TMEM232: variants seen among roughly 807,000 people sequenced by gnomAD.
TMEM232 encodes the protein transmembrane protein 232.
A neutral mutation model predicts 78.8 loss-of-function variants in TMEM232; 80 were observed. The observed-to-expected ratio is 1.01, with a 90% CI of 0.85 to 1.22. TMEM232 has a LOEUF of 1.22. Ranked by LOEUF, TMEM232 falls within the 50% of genes most tolerant of loss-of-function variation. The probability of loss-of-function intolerance (pLI) is 0.00; values close to 1 mark genes in which losing one functional copy is unlikely to be tolerated. For synonymous variants in TMEM232, 297 were observed against 254.3 expected (o/e 1.17, Z -1.60); for missense variants, 881 against 742.2 (o/e 1.19, Z -2.17).
chr5:110,564,912 A>G (rs752355324), intron 11 of TMEM232, among the ~76,000 whole-genome samples: 26 of 151,928 alleles, frequency 1.7e-4, no homozygotes, highest in Non-Finnish European at 3.7e-4. Context: ...GGTCTACTCC[A>G]TCAATGTTGT....
intron 1 of TMEM232, among the ~76,000 whole-genome samples, chr5:110,711,680 G>T (rs1402183680): frequency 6.6e-6 from 1 of 152,096 alleles, no homozygotes; most frequent in African/African-American, 2.4e-5. Flanking sequence ...AATATACACT[G>T]GGTAAAAGAC....
intron 11 of TMEM232, among the ~76,000 whole-genome samples, chr5:110,532,812 C>T (rs555607857): frequency 6.6e-6 from 1 of 152,212 alleles, no homozygotes; most frequent in Admixed American, 6.5e-5. Flanking sequence ...ATCACCCTTA[C>T]CCCGCTCAAT....
intron 4 of TMEM232, among the ~76,000 whole-genome samples, chr5:110,639,922 C>G (rs1014732129): frequency 6.6e-6 from 1 of 152,198 alleles, no homozygotes; most frequent in African/African-American, 2.4e-5. Context: ...CCTGGCTGCT[C>G]ACAGCCTGTT....
At chr5:110,545,151 G>A (rs1773622738) in intron 11 of TMEM232, among the ~76,000 whole-genome samples, 1 of 152,002 alleles carries the variant, frequency 6.6e-6, no homozygotes, top group Non-Finnish European at 1.5e-5. Context: ...TTAGTTCCTT[G>A]TTTATATTTA....
rs149561734 is a variant in TMEM232, at chr5:110,396,031, G to A, written n.390+1742C>T. Among the ~76,000 whole-genome samples the A allele has an allele frequency of 4.7e-3, 721 of 152,270 alleles. 7 individuals carry two copies. The highest frequency in any genetic ancestry group is 5.4e-3 in the Non-Finnish European group (370 of 68,008). ...TCATAGTGCTATAAAGAATACCTGA[G>A]ACTGGGTAATTTATAAAGAAAAAAG... is the stretch of plus-strand genomic sequence containing the variant. On this transcript the variant is annotated intron_variant and non_coding_transcript_variant, in intron 3 of 8. Coordinates refer to the TMEM232 transcript ENST00000507188.
At chr5:110,390,887 C>G (rs1327710279) in intron 3 of TMEM232, among the ~76,000 whole-genome samples, 2 of 152,210 alleles carry the variant, frequency 1.3e-5, no homozygotes, top group African/African-American at 4.8e-5. Context: ...TGGGAAGATT[C>G]ATCTATCATT....
chr5:110,686,615 C>T (rs1019168918), intron 1 of TMEM232, among the ~76,000 whole-genome samples: 11 of 151,916 alleles, frequency 7.2e-5, no homozygotes, highest in Admixed American at 2.6e-4. Context: ...AACCAGAACC[C>T]TTATTGAGTT....
At chr5:110,496,821 G>A (rs1765695322) in intron 12 of TMEM232, among the ~76,000 whole-genome samples, 1 of 151,944 alleles carries the variant, frequency 6.6e-6, no homozygotes, top group African/African-American at 2.4e-5. Flanking sequence ...TTATCTGTTT[G>A]ATCCTAAAGA....
Position 110,681,532 on chromosome 5 carries a change from T to C in TMEM232, c.-12-14168A>G, listed in dbSNP as rs183480614. 1.8e-4 allele frequency among the ~76,000 whole-genome samples: 28 copies of C among 152,344 alleles called. No individual in the cohort carries two copies. In the East Asian group the frequency reaches 5.0e-3, roughly 27 times the overall value. Reference sequence around the variant, plus strand: ...CATATTGTAGGGTGTCAGTGAATGATAGCCATTTAATAGTTGAATGCGTGA... The same window carrying C: ...CATATTGTAGGGTGTCAGTGAATGACAGCCATTTAATAGTTGAATGCGTGA... On this transcript the variant is annotated intron_variant, in intron 1 of 13. Coordinates refer to ENST00000455884, the MANE Select transcript of TMEM232 (RefSeq NM_001039763.4).
chr5:110,486,797 G>A (rs1360994798), intron 12 of TMEM232, among the ~76,000 whole-genome samples: 1 of 151,936 alleles, frequency 6.6e-6, no homozygotes, highest in African/African-American at 2.4e-5. Context: ...TGGCTATGCA[G>A]GCTCTTTTTT....
intron 1 of TMEM232, among the ~76,000 whole-genome samples, chr5:110,678,620 T>C (rs770448315): frequency 3.9e-5 from 6 of 152,174 alleles, no homozygotes; most frequent in Non-Finnish European, 8.8e-5. Flanking sequence ...GTATGCATTA[T>C]AGTATCATAC....
intron 12 of TMEM232, among the ~76,000 whole-genome samples, chr5:110,490,161 G>T (rs1375715909): frequency 1.4e-5 from 2 of 140,344 alleles, no homozygotes; most frequent in African/African-American, 6.3e-5. Flanking sequence ...AAGAAAGAAA[G>T]AAAGAAAGAA....
chr5:110,726,190 C>T (rs930496251), intron 1 of TMEM232, among the ~76,000 whole-genome samples: 11 of 150,522 alleles, frequency 7.3e-5, no homozygotes, highest in African/African-American at 2.7e-4. Context: ...AGTCTTCATA[C>T]TAAATAAATA....
chr5:110,509,566 A>G (rs549812812), intron 12 of TMEM232, among the ~76,000 whole-genome samples: 2 of 152,332 alleles, frequency 1.3e-5, no homozygotes, highest in East Asian at 3.9e-4. Flanking sequence ...TGATATGTGT[A>G]AATGTTTTAT....
intron 8 of TMEM232, among the ~76,000 whole-genome samples, chr5:110,607,582 A>G (rs555960528): frequency 6.6e-6 from 1 of 152,060 alleles, no homozygotes; most frequent in South Asian, 2.1e-4. Flanking sequence ...AAGGTCATAG[A>G]CCTGTGTACA....
At chr5:110,535,650 A>G (rs1772239380) in intron 11 of TMEM232, among the ~76,000 whole-genome samples, 1 of 152,228 alleles carries the variant, frequency 6.6e-6, no homozygotes, top group Non-Finnish European at 1.5e-5. Flanking sequence ...AATATAGTAC[A>G]GTATTGCACA....
At chr5:110,586,499 T>A in intron 10 of TMEM232, among the ~76,000 whole-genome samples, 1 of 151,994 alleles carries the variant, frequency 6.6e-6, no homozygotes, top group East Asian at 1.9e-4. Flanking sequence ...TATTGGTAAT[T>A]CTTTCCCCCA....
intron 12 of TMEM232, among the ~76,000 whole-genome samples, chr5:110,487,152 A>C (rs1764550293): frequency 6.6e-6 from 1 of 152,092 alleles, no homozygotes; most frequent in African/African-American, 2.4e-5. Context: ...ATTTGTGTAC[A>C]TTAATCTTGT....
chr5:110,543,136 C>G (rs1283457624), intron 11 of TMEM232, among the ~76,000 whole-genome samples: 1 of 152,094 alleles, frequency 6.6e-6, no homozygotes, highest in African/African-American at 2.4e-5. Context: ...GTAGTCAAGA[C>G]CCTCCACCGA....
Sources: gnomAD v4.1 joint callset for allele counts (sites outside exome capture counted in the v4.1 genomes callset) on GRCh38, gnomAD v4.1.1 for gene constraint, MANE v1.5 for transcripts, NCBI Gene and HGNC (gene_info 2026-07-23, HGNC 2026-07-21) for gene names.